Variants in SLC9A9 observed in about 807,000 individuals in gnomAD.
SLC9A9 encodes the protein sodium/hydrogen exchanger 9.
Under a neutral mutation model 77.8 loss-of-function variants are expected in SLC9A9, and 62 were observed. That is an observed-to-expected ratio of 0.80 (90% confidence interval 0.65 to 0.98). The LOEUF (loss-of-function observed/expected upper bound fraction) is 0.98. Ranked by LOEUF, SLC9A9 falls within the 50% of genes least tolerant of loss-of-function variation. The pLI, the probability that SLC9A9 is intolerant of heterozygous loss-of-function variation, is 0.00. For synonymous variants in SLC9A9, 320 were observed against 283.5 expected (o/e 1.13, Z -1.29); for missense variants, 775 against 774.9 (o/e 1.00, Z 0.00).
At chr3:143,786,441 C>G (rs563230396) in intron 4 of SLC9A9, among the ~76,000 whole-genome samples, 2 of 152,264 alleles carry the variant, frequency 1.3e-5, no homozygotes, top group Admixed American at 6.5e-5. Context: ...GCAACATCTT[C>G]GAGGTTGTGA....
intron 5 of SLC9A9, among the ~76,000 whole-genome samples, chr3:143,685,071 A>G (rs975272110): frequency 6.6e-6 from 1 of 152,118 alleles, no homozygotes; most frequent in Admixed American, 6.6e-5. Context: ...AGTGCTGTCC[A>G]ATAAAAATTT....
intron 13 of SLC9A9, among the ~76,000 whole-genome samples, chr3:143,375,644 T>C (rs1378746082): frequency 1.3e-5 from 2 of 152,186 alleles, no homozygotes; most frequent in African/African-American, 2.4e-5. Context: ...TCCAGACACA[T>C]GAGCAAGCCT....
chr3:143,300,032 C>G (rs2030452923), intron 14 of SLC9A9, among the ~76,000 whole-genome samples: 1 of 152,176 alleles, frequency 6.6e-6, no homozygotes, highest in Admixed American at 6.5e-5. Flanking sequence ...ATCCCAGACT[C>G]TATGTGAGGG....
intron 2 of SLC9A9, among the ~76,000 whole-genome samples, chr3:143,817,145 A>T (rs1421472720): frequency 0.018 from 2,043 of 110,824 alleles, 37 homozygotes; most frequent in African/African-American, 0.054. Context: ...TTTTTTTTTT[A>T]TTTTTTTTTT....
rs966714958 is a variant in SLC9A9, at chr3:143,336,867, AGGT to A, written c.1604+26614_1604+26616del. 1.8e-4 allele frequency among the ~76,000 whole-genome samples: 28 copies of A among 152,282 alleles called. 1 individual carries two copies. The highest frequency in any genetic ancestry group is 1.6e-3 in the Admixed American group (24 of 15,292). On this transcript the variant is annotated intron_variant, in intron 14 of 15. Transcript: ENST00000316549. ...TTGAACTGTATACTTAAAAATGCGA[AGGT>A]GGTAATTTTTACGTGCTTTTTACTA...
chr3:143,302,207 G>A (rs1197637665), intron 14 of SLC9A9, among the ~76,000 whole-genome samples: 1 of 152,202 alleles, frequency 6.6e-6, no homozygotes, highest in Non-Finnish European at 1.5e-5. Context: ...TATGGTGGGT[G>A]GGGGATGCTG....
intron 5 of SLC9A9, among the ~76,000 whole-genome samples, chr3:143,661,057 T>C (rs2038971175): frequency 6.6e-6 from 1 of 152,182 alleles, no homozygotes; most frequent in Non-Finnish European, 1.5e-5. Flanking sequence ...GTTTTTACCA[T>C]ATCTGGGCTA....
intron 12 of SLC9A9, among the ~76,000 whole-genome samples, chr3:143,443,839 T>A (rs978500948): frequency 6.6e-6 from 1 of 151,266 alleles, no homozygotes; most frequent in Admixed American, 6.6e-5. Flanking sequence ...AGCAATTGAA[T>A]TGTAGTTTTC....
intron 12 of SLC9A9, among the ~76,000 whole-genome samples, chr3:143,417,687 G>A (rs1483180884): frequency 6.6e-6 from 1 of 152,038 alleles, no homozygotes; most frequent in Non-Finnish European, 1.5e-5. Context: ...CCCACACCAG[G>A]AACAGACTCT....
At chr3:143,511,532 A>G (rs1384982474) in intron 9 of SLC9A9, among the ~76,000 whole-genome samples, 1 of 152,202 alleles carries the variant, frequency 6.6e-6, no homozygotes, top group African/African-American at 2.4e-5. Flanking sequence ...CTCTACAGGG[A>G]AATATGCTCA....
intron 11 of SLC9A9, among the ~76,000 whole-genome samples, chr3:143,471,172 C>T (rs1167604786): frequency 6.6e-6 from 1 of 152,164 alleles, no homozygotes; most frequent in African/African-American, 2.4e-5. Flanking sequence ...CACGGCACTG[C>T]GGCACTGGAA....
intron 12 of SLC9A9, among the ~76,000 whole-genome samples, chr3:143,451,049 G>A (rs1025978113): frequency 6.6e-6 from 1 of 152,020 alleles, no homozygotes; most frequent in African/African-American, 2.4e-5. Context: ...GACAGACAGT[G>A]CCACCAAGAA....
chr3:143,441,881 C>T lies in SLC9A9; in HGVS notation c.1469+25156G>A, dbSNP rs372977037. On this transcript the variant is annotated intron_variant, in intron 12 of 15. Transcript: ENST00000316549. ...ATCCATCCATCCATCCATCCATCCA[C>T]TCATCCATCCATCTCTACTCATCCA... Among the ~76,000 whole-genome samples, 50 of 144,048 alleles carry T rather than the reference C, an allele frequency of 3.5e-4. 1 individual carries two copies. The highest frequency in any genetic ancestry group is 7.6e-4 in the Admixed American group (11 of 14,384). 94.5% of individuals were successfully genotyped at this position (144,048 alleles called of 152,430 possible).
chr3:143,771,046 G>A (rs1242265330), intron 4 of SLC9A9, among the ~76,000 whole-genome samples: 3 of 152,132 alleles, frequency 2.0e-5, no homozygotes, highest in African/African-American at 7.2e-5. Flanking sequence ...CAGCCTTACA[G>A]TAAGAGAAAT....
At chr3:143,734,594 C>T (rs1034769999) in intron 4 of SLC9A9, among the ~76,000 whole-genome samples, 1 of 151,592 alleles carries the variant, frequency 6.6e-6, no homozygotes, top group African/African-American at 2.4e-5. Context: ...ATTAGCTGGG[C>T]GTTGTGGCAA....
intron 12 of SLC9A9, among the ~76,000 whole-genome samples, chr3:143,432,918 G>A (rs973709834): frequency 5.3e-5 from 8 of 152,166 alleles, no homozygotes; most frequent in African/African-American, 1.4e-4. Context: ...AAGCTACTGC[G>A]CCTGGCCTCT....
At chr3:143,814,976 A>C (rs1261675843) in intron 2 of SLC9A9, among the ~76,000 whole-genome samples, 1 of 143,084 alleles carries the variant, frequency 7.0e-6, no homozygotes, top group African/African-American at 2.5e-5. Context: ...CTTTTTCAGG[A>C]ATCTGATAAA....
chr3:143,462,910 G>A (rs1221161423), intron 12 of SLC9A9, among the ~76,000 whole-genome samples: 2 of 152,190 alleles, frequency 1.3e-5, no homozygotes, highest in Non-Finnish European at 2.9e-5. Flanking sequence ...GCCTGATTCT[G>A]CAGCCTGGCG....
chr3:143,752,006 G>A (rs2006736540), intron 4 of SLC9A9, among the ~76,000 whole-genome samples: 1 of 152,212 alleles, frequency 6.6e-6, no homozygotes, highest in Admixed American at 6.5e-5. Context: ...AGGGCTGGGA[G>A]GAGAGGACTA....
Sources: allele counts gnomAD v4.1 joint callset (sites outside exome capture counted in the v4.1 genomes callset), GRCh38; gene constraint gnomAD v4.1.1; transcripts MANE v1.5; gene names NCBI Gene and HGNC (gene_info 2026-07-23, HGNC 2026-07-21).